FIRRM: variants seen among roughly 807,000 people sequenced by gnomAD.
FIRRM encodes the protein FIGNL1-interacting regulator of recombination and mitosis.
At chr1:169,851,933 A>T in the FIRRM span, 1 of 1,614,072 alleles carries the variant, frequency 6.2e-7, no homozygotes, top group South Asian at 1.1e-5. Flanking sequence ...GGTCATCTTT[A>T]CAGGTATGGG....
the FIRRM span, chr1:169,829,548 G>C: frequency 8.9e-7 from 1 of 1,117,908 alleles, no homozygotes; most frequent in Non-Finnish European, 1.2e-6. Flanking sequence ...GGAATACTTA[G>C]TATATTCCTT....
the FIRRM span, among the ~76,000 whole-genome samples, chr1:169,831,182 T>TGATA: frequency 6.6e-6 from 1 of 152,290 alleles, no homozygotes; most frequent in African/African-American, 2.4e-5. Flanking sequence ...AGTTTGACAT[T>TGATA]GATAGATACT....
chr1:169,850,112 C>T, the FIRRM span: 4 of 598,772 alleles, frequency 6.7e-6, no homozygotes, highest in South Asian at 8.4e-5. Context: ...CCTTAGGGAC[C>T]CTGAAGGAAT....
the FIRRM span, chr1:169,803,110 A>C: frequency 3.3e-6 from 5 of 1,522,596 alleles, no homozygotes; most frequent in Non-Finnish European, 4.5e-6. Flanking sequence ...CATGCTGACT[A>C]ATACCTTTTC....
the FIRRM span, chr1:169,793,209 C>G: frequency 4.3e-6 from 7 of 1,614,198 alleles, no homozygotes; most frequent in Non-Finnish European, 5.9e-6. Flanking sequence ...AAGCCTCCCT[C>G]ATAAACACCT....
the FIRRM span, chr1:169,852,028 C>T: frequency 6.4e-7 from 1 of 1,558,740 alleles, no homozygotes; most frequent in Non-Finnish European, 8.8e-7. Flanking sequence ...GGTTTCCAGC[C>T]TTATGCTGAA....
At chr1:169,798,887 T>G in the FIRRM span, 1 of 1,258,504 alleles carries the variant, frequency 7.9e-7, no homozygotes, top group Non-Finnish European at 1.1e-6. Context: ...ACCCTATTAC[T>G]ATGATACTAG....
chr1:169,834,386 C>A, the FIRRM span, among the ~76,000 whole-genome samples: 20 of 152,122 alleles, frequency 1.3e-4, no homozygotes, highest in Non-Finnish European at 2.8e-4. Flanking sequence ...TACTAATACT[C>A]ATATGGCAGT....
chr1:169,852,797 C>CA, the FIRRM span: 3 of 1,613,528 alleles, frequency 1.9e-6, no homozygotes, highest in Non-Finnish European at 2.5e-6. Flanking sequence ...CAGCCTTATG[C>CA]AAAAAGAGCT....
the FIRRM span, among the ~76,000 whole-genome samples, chr1:169,847,463 G>T: frequency 6.6e-6 from 1 of 152,000 alleles, no homozygotes; most frequent in Non-Finnish European, 1.5e-5. Context: ...TTACGTGGTT[G>T]GAGGCAGGAG....
the FIRRM span, chr1:169,792,858 T>G: frequency 3.7e-6 from 6 of 1,613,918 alleles, no homozygotes; most frequent in Non-Finnish European, 4.2e-6. Flanking sequence ...AGTTTTTCAC[T>G]ACTTAGTACA....
At chr1:169,801,597 CA>C in the FIRRM span, among the ~76,000 whole-genome samples, 423 of 124,414 alleles carry the variant, frequency 3.4e-3, 1 homozygote, top group African/African-American at 5.4e-3. Context: ...ACCCTTAATT[CA>C]AAAAAAAAAA....
the FIRRM span, among the ~76,000 whole-genome samples, chr1:169,789,371 C>T: frequency 3.3e-5 from 5 of 152,300 alleles, no homozygotes; most frequent in East Asian, 7.7e-4. Flanking sequence ...AACGCTGACA[C>T]TTATCCACCC....
At chr1:169,795,085 C>T in the FIRRM span, 1 of 1,529,524 alleles carries the variant, frequency 6.5e-7, no homozygotes, top group Non-Finnish European at 8.8e-7. Context: ...GTTTGAAGCT[C>T]TCCTGTTTGA....
chr1:169,795,889 G>A, the FIRRM span: 4 of 985,286 alleles, frequency 4.1e-6, no homozygotes, highest in Non-Finnish European at 2.4e-6. Context: ...TTGGATTTGA[G>A]GCGCTTAGCG....
chr1:169,843,938 G>A, the FIRRM span, among the ~76,000 whole-genome samples: 2 of 152,012 alleles, frequency 1.3e-5, no homozygotes, highest in Non-Finnish European at 2.9e-5. Context: ...TTACAGTATT[G>A]TTAATATATG....
chr1:169,830,774 A>C, the FIRRM span: 1 of 1,603,462 alleles, frequency 6.2e-7, no homozygotes, highest in Admixed American at 1.7e-5. Flanking sequence ...GGCCTAAAAC[A>C]CCCACTTTCT....
At chr1:169,852,850 C>T in the FIRRM span, 1 of 1,613,994 alleles carries the variant, frequency 6.2e-7, no homozygotes, top group Non-Finnish European at 8.5e-7. Flanking sequence ...GTCAGCGCTG[C>T]ATACAATAGC....
the FIRRM span, chr1:169,784,912 T>A: frequency 6.6e-6 from 1 of 152,230 alleles, no homozygotes; most frequent in African/African-American, 2.4e-5. Flanking sequence ...TCTCTACTCA[T>A]AGTAAGTACT....
Sources: gnomAD v4.1 joint callset for allele counts (sites outside exome capture counted in the v4.1 genomes callset) on GRCh38, gnomAD v4.1.1 for gene constraint, MANE v1.5 for transcripts, NCBI Gene and HGNC (gene_info 2026-07-23, HGNC 2026-07-21) for gene names.